Variants in CADM1 observed in about 807,000 individuals in gnomAD.
CADM1 encodes cell adhesion molecule 1, also known as TSLC-1.
In CADM1, 15 loss-of-function variants were observed where a neutral mutation model predicts 53.1. The ratio of observed to expected loss-of-function variants is 0.28; its 90% CI spans 0.19 to 0.44. The LOEUF (loss-of-function observed/expected upper bound fraction) is 0.44, where lower values mean the gene tolerates loss of function less well. Ranked by LOEUF, CADM1 falls within the 20% of genes least tolerant of loss-of-function variation. The pLI is 1.00. For missense variants in CADM1, 434 were observed against 611.3 expected (o/e 0.71, Z 3.06); for synonymous variants, 281 against 243.0 (o/e 1.16, Z -1.45).
rs1938998478 is a variant in CADM1, at chr11:115,175,757, A to T, written c.*717T>A. On this transcript the variant is annotated 3_prime_UTR_variant, in exon 12 of 12. Coordinates refer to ENST00000331581, the MANE Select transcript of CADM1 (RefSeq NM_001301043.2). ...ACCTCACTTGCAGATAACCCTGTACAGTAATGTAGTTCCACAGCAAACAGA... is the reference window on the plus strand; with the variant it reads ...ACCTCACTTGCAGATAACCCTGTACTGTAATGTAGTTCCACAGCAAACAGA... 1 of 992,822 alleles carries T rather than the reference A, an allele frequency of 1.0e-6. No homozygotes were observed. Among genetic ancestry groups the T allele is most frequent in the Non-Finnish European group, 1.2e-6 (1 of 834,494 alleles). 61.5% of individuals were successfully genotyped at this position (992,822 alleles called of 1,614,324 possible).
chr11:115,492,598 G>A (rs937865897), intron 1 of CADM1, among the ~76,000 whole-genome samples: 2 of 151,692 alleles, frequency 1.3e-5, no homozygotes, highest in African/African-American at 2.4e-5. Context: ...CAAAAAGAGT[G>A]GCAAAAAATC....
chr11:115,497,059 A>G (rs1458078283), intron 1 of CADM1, among the ~76,000 whole-genome samples: 1 of 152,172 alleles, frequency 6.6e-6, no homozygotes, highest in African/African-American at 2.4e-5. Context: ...CTCAATTCCA[A>G]CTAGACACTG....
chr11:115,278,246 A>G (rs1943496765), intron 1 of CADM1, among the ~76,000 whole-genome samples: 2 of 152,208 alleles, frequency 1.3e-5, no homozygotes, highest in African/African-American at 4.8e-5. Flanking sequence ...TTCGAACAGT[A>G]ACTAGCACAT....
At chr11:115,317,843 A>G (rs1407674487) in intron 1 of CADM1, among the ~76,000 whole-genome samples, 2 of 152,250 alleles carry the variant, frequency 1.3e-5, no homozygotes, top group Admixed American at 6.5e-5. Flanking sequence ...TCCAGGCTAT[A>G]TAAGTAGGAC....
chr11:115,347,508 T>G (rs1385860219), intron 1 of CADM1, among the ~76,000 whole-genome samples: 2 of 152,194 alleles, frequency 1.3e-5, no homozygotes, highest in African/African-American at 4.8e-5. Flanking sequence ...ACTTAGATAA[T>G]AGAACATTTA....
intron 1 of CADM1, among the ~76,000 whole-genome samples, chr11:115,320,132 T>C (rs1183490312): frequency 6.6e-6 from 1 of 152,126 alleles, no homozygotes; most frequent in Non-Finnish European, 1.5e-5. Flanking sequence ...AGTGCGATCA[T>C]AGCTCACTGC....
rs186595027 is a variant in CADM1 at position 115,477,062 on chromosome 11, G to A, written c.124+27209C>T. On this transcript the variant is annotated intron_variant, in intron 1 of 11. Coordinates refer to ENST00000331581, the MANE Select transcript of CADM1 (RefSeq NM_001301043.2). ...GAACTGAAGAGTACAGAACAGAGTC[G>A]GGCAGGATAGGGCAGGATAGCATAG... Among the ~76,000 whole-genome samples the A allele has an allele frequency of 1.4e-4, 22 of 152,084 alleles. No homozygotes were observed. In the South Asian group the frequency reaches 1.5e-3, roughly 10 times the overall value.
chr11:115,441,416 C>T (rs979860575), intron 1 of CADM1, among the ~76,000 whole-genome samples: 2 of 152,178 alleles, frequency 1.3e-5, no homozygotes, highest in South Asian at 2.1e-4. Context: ...AATGCTGTTT[C>T]ACCTCTACCC....
chr11:115,179,280 A>G (rs1374074894), intron 10 of CADM1, among the ~76,000 whole-genome samples: 1 of 152,252 alleles, frequency 6.6e-6, no homozygotes, highest in East Asian at 1.9e-4. Flanking sequence ...AGATAAAACA[A>G]GGATTATAAG....
intron 1 of CADM1, among the ~76,000 whole-genome samples, chr11:115,242,401 C>G (rs367899835): frequency 7.5e-5 from 11 of 147,078 alleles, no homozygotes; most frequent in African/African-American, 2.3e-4. Context: ...GTGACAAACA[C>G]AGAATTCAGA....
intron 1 of CADM1, among the ~76,000 whole-genome samples, chr11:115,418,672 A>T (rs1350979071): frequency 1.3e-5 from 2 of 152,178 alleles, no homozygotes; most frequent in African/African-American, 2.4e-5. Flanking sequence ...AATGTTTGTC[A>T]CTACCTGAAA....
intron 1 of CADM1, among the ~76,000 whole-genome samples, chr11:115,422,277 A>G (rs978308142): frequency 4.6e-5 from 7 of 152,198 alleles, no homozygotes; most frequent in African/African-American, 9.7e-5. Flanking sequence ...ATAGTTTTCC[A>G]TTTAAACATA....
chr11:115,263,854 A>C (rs954868080), intron 1 of CADM1, among the ~76,000 whole-genome samples: 1 of 152,218 alleles, frequency 6.6e-6, no homozygotes, highest in Non-Finnish European at 1.5e-5. Flanking sequence ...TTTTAGGAAA[A>C]GATAGAGGAA....
chr11:115,484,946 CAAA>C (rs113318647), intron 1 of CADM1, among the ~76,000 whole-genome samples: 5 of 91,816 alleles, frequency 5.4e-5, no homozygotes, highest in Admixed American at 1.2e-4. Flanking sequence ...GACTCTGTCT[CAAA>C]AAAAAAAAAA....
intron 1 of CADM1, among the ~76,000 whole-genome samples, chr11:115,467,487 T>C (rs1374582535): frequency 6.6e-6 from 1 of 152,214 alleles, no homozygotes; most frequent in Admixed American, 6.5e-5. Context: ...AAATATTTCC[T>C]AAATGCTCAT....
intron 1 of CADM1, among the ~76,000 whole-genome samples, chr11:115,471,163 T>C (rs1949002734): frequency 1.3e-5 from 2 of 152,210 alleles, no homozygotes; most frequent in South Asian, 4.1e-4. Flanking sequence ...AATTTTTTTT[T>C]CTCCGACCTA....
intron 1 of CADM1, among the ~76,000 whole-genome samples, chr11:115,393,066 CAAA>C (rs758785520): frequency 8.0e-5 from 4 of 50,218 alleles, no homozygotes; most frequent in South Asian, 9.9e-4. Context: ...CCATCTCTTC[CAAA>C]AAAAAAAAAA....
rs947322012 is a variant in CADM1, at chr11:115,495,371, T to C, written c.124+8900A>G. ...CAAAATACTTCAAGATAATCAACTT[T>C]TAAAATCACTGTATTATCATGCTGC... On this transcript the variant is annotated intron_variant, in intron 1 of 11. Transcript: ENST00000331581. Among the ~76,000 whole-genome samples, 4 of 152,130 alleles carry C rather than the reference T, an allele frequency of 2.6e-5. 1 individual carries two copies. Among genetic ancestry groups the C allele is most frequent in the South Asian group, 4.1e-4 (2 of 4,828 alleles).
At chr11:115,366,653 C>T (rs1946167374) in intron 1 of CADM1, among the ~76,000 whole-genome samples, 2 of 152,212 alleles carry the variant, frequency 1.3e-5, no homozygotes, top group Admixed American at 1.3e-4. Flanking sequence ...CCCAAGGATA[C>T]ACTTGTGTTC....
Sources: allele counts gnomAD v4.1 joint callset (sites outside exome capture counted in the v4.1 genomes callset), GRCh38; gene constraint gnomAD v4.1.1; transcripts MANE v1.5; gene names NCBI Gene and HGNC (gene_info 2026-07-23, HGNC 2026-07-21).